LRRC37A2: variants seen among roughly 807,000 people sequenced by gnomAD.
The protein encoded by LRRC37A2 is leucine rich repeat containing 37 member A2.
A neutral mutation model predicts 68.8 loss-of-function variants in LRRC37A2; 9 were observed. The ratio of observed to expected loss-of-function variants is 0.13; its 90% CI spans 0.08 to 0.23. The LOEUF is 0.23. LRRC37A2 is among the 10% of genes least tolerant of loss of function. The probability of loss-of-function intolerance (pLI) is 1.00; values close to 1 mark genes in which losing one functional copy is unlikely to be tolerated. For synonymous variants in LRRC37A2, 63 were observed against 367.6 expected (o/e 0.17, Z 9.48); for missense variants, 168 against 950.4 (o/e 0.18, Z 10.82).
the LRRC37A2 span, among the ~76,000 whole-genome samples, chr17:46,712,444 C>T: frequency 1.3e-5 from 2 of 152,074 alleles, no homozygotes; most frequent in Non-Finnish European, 2.9e-5. Context: ...CAAACATGAC[C>T]CCCTGGGTTC....
the LRRC37A2 span, among the ~76,000 whole-genome samples, chr17:46,976,789 G>A: frequency 3.2e-4 from 49 of 152,154 alleles, no homozygotes; most frequent in Non-Finnish European, 6.0e-4. Context: ...ACTGAGGGCA[G>A]CCCAGACTCC....
chr17:46,787,483 C>G, the LRRC37A2 span, among the ~76,000 whole-genome samples: 1 of 152,212 alleles, frequency 6.6e-6, no homozygotes, highest in Non-Finnish European at 1.5e-5. Context: ...GATGTGCCTT[C>G]CCTGCTGTTC....
At chr17:46,802,427 G>A in the LRRC37A2 span, among the ~76,000 whole-genome samples, 1 of 152,066 alleles carries the variant, frequency 6.6e-6, no homozygotes, top group Non-Finnish European at 1.5e-5. Context: ...CACCATGCTC[G>A]GCTAATTTTT....
the LRRC37A2 span, among the ~76,000 whole-genome samples, chr17:46,816,121 A>ACACGCACG: frequency 6.6e-5 from 10 of 150,896 alleles, no homozygotes; most frequent in Admixed American, 1.3e-4. Context: ...GTACACACAC[A>ACACGCACG]CACACACACT....
chr17:46,931,947 G>A, the LRRC37A2 span: 1 of 836,174 alleles, frequency 1.2e-6, no homozygotes, highest in Admixed American at 1.7e-5. Context: ...AGGGGGTATA[G>A]TGTGGGGTGG....
chr17:46,934,377 C>G, the LRRC37A2 span, among the ~76,000 whole-genome samples: 1 of 152,124 alleles, frequency 6.6e-6, no homozygotes, highest in Non-Finnish European at 1.5e-5. Flanking sequence ...AAGAAAAAAG[C>G]TGGGCATGGT....
the LRRC37A2 span, among the ~76,000 whole-genome samples, chr17:46,918,227 G>T: frequency 1.1e-3 from 163 of 152,232 alleles, no homozygotes; most frequent in African/African-American, 3.7e-3. Context: ...CTACAGGCAC[G>T]TGCCACCATG....
the LRRC37A2 span, among the ~76,000 whole-genome samples, chr17:46,861,722 G>C: frequency 6.6e-6 from 1 of 152,214 alleles, no homozygotes; most frequent in Non-Finnish European, 1.5e-5. Context: ...AAGAGTCTTA[G>C]AGCCAGAAAG....
the LRRC37A2 span, among the ~76,000 whole-genome samples, chr17:46,392,421 CTTTCTTTCTCTCTTTCTT>C: frequency 0.24 from 13,773 of 56,578 alleles, 338 homozygotes; most frequent in Non-Finnish European, 0.37. Flanking sequence ...CTCTCTCTCT[CTTTCTTTCTCTCTTTCTT>C]TCTTTCTTTC....
the LRRC37A2 span, among the ~76,000 whole-genome samples, chr17:46,854,627 TA>T: frequency 0.2 from 29,909 of 151,510 alleles, 3,606 homozygotes; most frequent in East Asian, 0.49. Flanking sequence ...TTAATGGTGA[TA>T]AAAAAAAACA....
At chr17:46,784,461 C>G in the LRRC37A2 span, among the ~76,000 whole-genome samples, 1 of 151,456 alleles carries the variant, frequency 6.6e-6, no homozygotes, top group African/African-American at 2.4e-5. Flanking sequence ...GCTGTGGGCA[C>G]ACGGTGGGAG....
At chr17:46,823,851 G>A in the LRRC37A2 span, among the ~76,000 whole-genome samples, 13 of 152,338 alleles carry the variant, frequency 8.5e-5, no homozygotes, top group South Asian at 2.1e-4. Context: ...CCCTGGCTTC[G>A]GTTGTGGAGT....
the LRRC37A2 span, among the ~76,000 whole-genome samples, chr17:46,896,329 AAG>A: frequency 2.0e-5 from 3 of 150,132 alleles, no homozygotes; most frequent in Non-Finnish European, 4.4e-5. Context: ...GAAAGAGAGA[AAG>A]AGAGAGAGAG....
chr17:46,936,293 A>G, the LRRC37A2 span: 10 of 985,162 alleles, frequency 1.0e-5, no homozygotes, highest in Admixed American at 1.2e-4. Context: ...ACCAAACTCC[A>G]TGTCACACTG....
At chr17:46,941,854 A>G in the LRRC37A2 span, 1 of 852,230 alleles carries the variant, frequency 1.2e-6, no homozygotes, top group Non-Finnish European at 1.4e-6. Context: ...CCAAAGTTCT[A>G]GGGTTACAGG....
the LRRC37A2 span, among the ~76,000 whole-genome samples, chr17:46,898,913 T>A: frequency 6.6e-6 from 1 of 152,172 alleles, no homozygotes; most frequent in Non-Finnish European, 1.5e-5. Flanking sequence ...CATTCCTAGG[T>A]ATTTACCCAA....
At chr17:46,533,863 C>A (rs1598401796) in intron 6 of LRRC37A2, among the ~76,000 whole-genome samples, 1 of 99,174 alleles carries the variant, frequency 1.0e-5, no homozygotes. Context: ...GGTCTTCTAG[C>A]AACAAAGTCT....
At chr17:47,034,355 A>G in the LRRC37A2 span, among the ~76,000 whole-genome samples, 42 of 152,282 alleles carry the variant, frequency 2.8e-4, no homozygotes, top group African/African-American at 1.0e-3. Context: ...GAACAGGAGG[A>G]AAAGAGGATA....
At chr17:46,996,757 C>T in the LRRC37A2 span, among the ~76,000 whole-genome samples, 50 of 152,362 alleles carry the variant, frequency 3.3e-4, no homozygotes, top group African/African-American at 1.0e-3. Context: ...GCAAGCCTCC[C>T]GCTCAGGCCT....
Sources: allele counts gnomAD v4.1 joint callset (sites outside exome capture counted in the v4.1 genomes callset), GRCh38; gene constraint gnomAD v4.1.1; transcripts MANE v1.5; gene names NCBI Gene and HGNC (gene_info 2026-07-23, HGNC 2026-07-21).